The following MGAT4C variants were observed in gnomAD, a reference collection of about 807,000 sequenced individuals.
MGAT4C encodes the protein MGAT4 family member C, also known as alpha-1,3-mannosyl-glycoprotein 4-beta-N-acetylglucosaminyltransferase C.
In MGAT4C, 19 loss-of-function variants were observed where a neutral mutation model predicts 40.1. The ratio of observed to expected loss-of-function variants is 0.47; its 90% confidence interval spans 0.33 to 0.70. The LOEUF is 0.70. Among genes scored for constraint, MGAT4C ranks in the 30% least tolerant of loss-of-function variants. The probability of loss-of-function intolerance (pLI) is 0.02; values close to 1 mark genes in which losing one functional copy is unlikely to be tolerated. For synonymous variants in MGAT4C, 181 were observed against 187.1 expected (o/e 0.97, Z 0.27); for missense variants, 491 against 563.2 (o/e 0.87, Z 1.30).
chr12:86,588,229 CA>C (rs1308662438), intron 2 of MGAT4C, among the ~76,000 whole-genome samples: 1 of 151,226 alleles, frequency 6.6e-6, no homozygotes, highest in Non-Finnish European at 1.5e-5. Context: ...AAATGGAAAA[CA>C]AAAAAAGGCA....
intron 2 of MGAT4C, among the ~76,000 whole-genome samples, chr12:86,497,237 C>T (rs1050390668): frequency 1.3e-5 from 2 of 151,802 alleles, no homozygotes; most frequent in African/African-American, 4.8e-5. Context: ...AACCAAGTTG[C>T]CACTAAGAAA....
intron 1 of MGAT4C, among the ~76,000 whole-genome samples, chr12:86,814,619 G>A (rs1276699911): frequency 6.6e-6 from 1 of 151,744 alleles, no homozygotes; most frequent in Non-Finnish European, 1.5e-5. Context: ...TCGTTTCTAT[G>A]GTCTGAATGT....
chr12:86,606,379 GTAAT>G (rs1201769506), intron 2 of MGAT4C, among the ~76,000 whole-genome samples: 2 of 152,050 alleles, frequency 1.3e-5, no homozygotes, highest in African/African-American at 4.8e-5. Flanking sequence ...TTTAACTTAA[GTAAT>G]TATTTTGCTT....
chr12:86,366,978 C>T lies in MGAT4C; in HGVS notation c.-119-32851G>A, dbSNP rs183586260. 3.1e-3 allele frequency among the ~76,000 whole-genome samples: 466 copies of T among 152,000 alleles called. 1 individual carries two copies. Among genetic ancestry groups the T allele is most frequent in the Middle Eastern group, 6.8e-3 (2 of 294 alleles). ...TATGATAAATAGCATCTACAAAAGT[C>T]CTACAGCTGGCATCATATTTGAAAG... On this transcript the variant is annotated intron_variant, in intron 3 of 7. Coordinates refer to the MGAT4C transcript ENST00000548651.
At position 86,356,560 on chromosome 12, in the gene MGAT4C, C is replaced by T. The variant is rs182538618; in HGVS notation, c.-119-22433G>A. ...GGGAAGCACAAGGCGTCTGGGAATT[C>T]CCTTTCCTAGCCAAGGGTAGCCGTG... On this transcript the variant is annotated intron_variant, in intron 3 of 7. Coordinates refer to the MGAT4C transcript ENST00000548651. 1.8e-3 allele frequency among the ~76,000 whole-genome samples: 268 copies of T among 152,248 alleles called. 1 individual carries two copies. Among genetic ancestry groups the T allele is most frequent in the Non-Finnish European group, 2.8e-3 (189 of 68,016 alleles).
intron 4 of MGAT4C, among the ~76,000 whole-genome samples, chr12:86,289,553 C>T (rs1449852618): frequency 1.3e-5 from 2 of 151,938 alleles, no homozygotes; most frequent in African/African-American, 4.8e-5. Context: ...AATGTGTTTC[C>T]ATTTGTTTGT....
chr12:85,960,754 G>A lies in MGAT4C; in HGVS notation c.*18535C>T, dbSNP rs1205177038. The A allele has an allele frequency of 2.6e-5, 4 of 151,658 alleles. No homozygotes were observed. The highest frequency in any genetic ancestry group is 9.7e-5 in the African/African-American group (4 of 41,350). 9.4% of individuals were successfully genotyped at this position (151,658 alleles called of 1,614,324 possible). ...TTGTTTATTTGGATATAACGTGAAT[G>A]GGCCCATACCATAAACTCCTATTAA... On this transcript the variant is annotated 3_prime_UTR_variant, in exon 5 of 5. Transcript: ENST00000611864.
intron 2 of MGAT4C, among the ~76,000 whole-genome samples, chr12:86,630,524 T>C (rs1050329858): frequency 2.0e-5 from 3 of 152,084 alleles, no homozygotes; most frequent in Non-Finnish European, 4.4e-5. Flanking sequence ...GCAAACTGAA[T>C]CCAGCAGCAT....
At chr12:86,830,659 C>T (rs1952905631) in intron 1 of MGAT4C, among the ~76,000 whole-genome samples, 2 of 151,688 alleles carry the variant, frequency 1.3e-5, no homozygotes, top group African/African-American at 4.8e-5. Context: ...TTCTCTTAGC[C>T]TATTTAAGAC....
intron 3 of MGAT4C, among the ~76,000 whole-genome samples, chr12:86,383,332 AC>A (rs1955983362): frequency 6.6e-6 from 1 of 152,048 alleles, no homozygotes; most frequent in South Asian, 2.1e-4. Context: ...TGGGCAGATC[AC>A]CTGAGGTCAA....
intron 2 of MGAT4C, among the ~76,000 whole-genome samples, chr12:86,578,181 G>C: frequency 6.6e-6 from 1 of 151,796 alleles, no homozygotes; most frequent in East Asian, 1.9e-4. Flanking sequence ...TAGTCGAATA[G>C]GAGGGTGAAT....
chr12:86,599,260 TA>T (rs1329705184), intron 2 of MGAT4C, among the ~76,000 whole-genome samples: 1 of 152,098 alleles, frequency 6.6e-6, no homozygotes, highest in African/African-American at 2.4e-5. Flanking sequence ...TTGATTAGAT[TA>T]AAAAAGTAAG....
intron 2 of MGAT4C, chr12:86,002,544 A>G (rs1887438396): frequency 6.6e-6 from 1 of 151,718 alleles, no homozygotes; most frequent in Non-Finnish European, 1.5e-5. Flanking sequence ...GTTTCAGAAT[A>G]AAACCTTTAA....
chr12:86,313,530 A>G (rs1954128715), intron 4 of MGAT4C, among the ~76,000 whole-genome samples: 1 of 152,196 alleles, frequency 6.6e-6, no homozygotes, highest in African/African-American at 2.4e-5. Flanking sequence ...GGAAATCAGC[A>G]AAGACCTATA....
rs1883262462 is a variant in MGAT4C, at chr12:85,964,587, A to T, written c.*14702T>A. 6.6e-6 allele frequency: 1 copy of T among 152,164 alleles called. No homozygotes were observed. The allele number at this position is 152,164 out of a possible 1,614,324, so 9.4% of individuals were successfully genotyped here. ...CATCATGTTTACTGGTAAAGATAACATTATTTAAGGAAGGTAAGATACTCT... is the reference window on the plus strand; with the variant it reads ...CATCATGTTTACTGGTAAAGATAACTTTATTTAAGGAAGGTAAGATACTCT... On this transcript the variant is annotated 3_prime_UTR_variant, in exon 5 of 5. Coordinates refer to ENST00000611864, the MANE Select transcript of MGAT4C (RefSeq NM_001351288.2).
In MGAT4C at chr12:86,484,201, C is replaced by T. The variant is rs147866655; in HGVS notation, c.-228-48936G>A. Among the ~76,000 whole-genome samples the T allele has an allele frequency of 1.5e-3, 223 of 152,156 alleles. 1 individual carries two copies. Among genetic ancestry groups the T allele is most frequent in the African/African-American group, 5.0e-3 (206 of 41,532 alleles). On this transcript the variant is annotated intron_variant, in intron 2 of 7. Transcript: ENST00000548651. ...GAGACAGAGACCCATGCTGCAGAGC[C>T]GAGGAGCTTCTGTGTTCTGAGGTAG...
intron 3 of MGAT4C, among the ~76,000 whole-genome samples, chr12:86,394,025 T>C (rs1956203641): frequency 6.6e-6 from 1 of 152,162 alleles, no homozygotes; most frequent in Admixed American, 6.5e-5. Flanking sequence ...CAATCACTTT[T>C]GCTCCTAAAC....
intron 2 of MGAT4C, among the ~76,000 whole-genome samples, chr12:86,539,457 C>T (rs1959135226): frequency 1.3e-5 from 2 of 152,188 alleles, no homozygotes; most frequent in East Asian, 1.9e-4. Flanking sequence ...AAGTCTTTGC[C>T]ATTGTGAATA....
chr12:86,256,006 G>A (rs951223554), intron 1 of MGAT4C, among the ~76,000 whole-genome samples: 5 of 152,054 alleles, frequency 3.3e-5, no homozygotes, highest in East Asian at 1.9e-4. Context: ...TTTCTAAAGC[G>A]AAGCCGGATT....
Sources: gnomAD v4.1 joint callset for allele counts (sites outside exome capture counted in the v4.1 genomes callset) on GRCh38, gnomAD v4.1.1 for gene constraint, MANE v1.5 for transcripts, NCBI Gene and HGNC (gene_info 2026-07-23, HGNC 2026-07-21) for gene names.